PRDM16: variants seen among roughly 807,000 people sequenced by gnomAD.
PRDM16 encodes the protein histone-lysine N-methyltransferase PRDM16.
PRDM16 carries 23 observed loss-of-function variants against 110.6 expected under a neutral mutation model. That is an observed-to-expected ratio of 0.21 (90% CI 0.15 to 0.29). PRDM16 has a LOEUF of 0.29. Ranked by LOEUF, PRDM16 falls within the 10% of genes least tolerant of loss-of-function variation. The pLI is 1.00. For missense variants in PRDM16, 1,615 were observed against 1,794.3 expected (o/e 0.90, Z 1.81); for synonymous variants, 799 against 781.8 (o/e 1.02, Z -0.37).
chr1:3,358,998 A>G lies in PRDM16; in HGVS notation c.439-26154A>G, dbSNP rs748360223. On this transcript the variant is annotated intron_variant, in intron 3 of 16. Coordinates refer to ENST00000270722, the MANE Select transcript of PRDM16 (RefSeq NM_022114.4). This position sits in a 1 kb window ranked among gnomAD's most constrained non-coding sequence, Gnocchi z 4.0. ...TGTCATCTTGGGTCGCATTACAGCC[A>G]GTTGACTCGCGGAGTCCTCACTGGC... Among the ~76,000 whole-genome samples the G allele has an allele frequency of 1.6e-4, 25 of 152,208 alleles. No individual in the cohort carries two copies. Among genetic ancestry groups the G allele is most frequent in the Non-Finnish European group, 1.9e-4 (13 of 68,042 alleles).
chr1:3,365,901 C>CACACACAT lies in PRDM16; in HGVS notation c.439-19250_439-19243dup, dbSNP rs1642800955. Among the ~76,000 whole-genome samples the CACACACAT allele has an allele frequency of 2.0e-5, 3 of 151,572 alleles. No homozygotes were observed. In the South Asian group the frequency reaches 6.3e-4, roughly 32 times the overall value. On this transcript the variant is annotated intron_variant, in intron 3 of 16. Transcript: ENST00000270722. ...GTTTATGTGCGCAGGGATGCACGTG[C>CACACACAT]ACACACATGCACACATACACACACG...
intron 3 of PRDM16, among the ~76,000 whole-genome samples, chr1:3,277,767 GCACA>G (rs796428576): frequency 7.3e-6 from 1 of 136,884 alleles, no homozygotes; most frequent in South Asian, 2.2e-4. Flanking sequence ...GCACACACGC[GCACA>G]CACACGCACA....
chr1:3,399,187 TC>T (rs1643429727), intron 5 of PRDM16, among the ~76,000 whole-genome samples: 1 of 152,252 alleles, frequency 6.6e-6, no homozygotes, highest in Non-Finnish European at 1.5e-5. Context: ...CATATGCTTT[TC>T]TTTTGAGAAA....
intron 3 of PRDM16, among the ~76,000 whole-genome samples, chr1:3,383,831 AGACACACCTGCCTAAG>A (rs1185975924): frequency 2.2e-5 from 3 of 135,718 alleles, no homozygotes; most frequent in Non-Finnish European, 1.7e-5. Context: ...ACCTGCTCAA[AGACACACCTGCCTAAG>A]GACACACCTG....
chr1:3,403,068 G>C (rs4353034), intron 6 of PRDM16, 70 bp downstream of exon 6: 121 of 677,088 alleles, frequency 1.8e-4, no homozygotes, highest in Middle Eastern at 5.7e-4. Context: ...CCCTTCCCGT[G>C]CCCTCCTCTG....
At chr1:3,121,070 G>A (rs1643084563) in intron 1 of PRDM16, among the ~76,000 whole-genome samples, 1 of 152,216 alleles carries the variant, frequency 6.6e-6, no homozygotes, top group Non-Finnish European at 1.5e-5. Flanking sequence ...TGTCGTGTAG[G>A]AAAATGCTTT....
At chr1:3,305,959 T>C (rs1398058654) in intron 3 of PRDM16, among the ~76,000 whole-genome samples, 1 of 152,258 alleles carries the variant, frequency 6.6e-6, no homozygotes, top group Non-Finnish European at 1.5e-5. Context: ...CTCTGCATCC[T>C]CCTCAAGGTC....
At chr1:3,154,056 A>G (rs1643821318) in intron 1 of PRDM16, among the ~76,000 whole-genome samples, 1 of 152,032 alleles carries the variant, frequency 6.6e-6, no homozygotes, top group African/African-American at 2.4e-5. Context: ...CTTCCCGTGC[A>G]CTCTCCCAAT....
In PRDM16 at chr1:3,412,161, C is replaced by T; in HGVS notation, c.1964C>T (p.Pro655Leu). The T allele has an allele frequency of 6.4e-7, 1 of 1,567,228 alleles. No homozygotes were observed. Among genetic ancestry groups the T allele is most frequent in the Non-Finnish European group, 8.6e-7 (1 of 1,156,210 alleles). Residue 655 changes from proline to leucine, a missense_variant, in exon 9 of 17, where the codon CCC becomes CTC. Coordinates refer to ENST00000270722, the MANE Select transcript of PRDM16 (RefSeq NM_022114.4). ...GQPKFGGGLA[P>L]PGAPNSVAEV... ...CCCAAGTTTGGGGGCGGCTTGGCGC[C>T]CCCGGGGGCCCCGAACAGCGTGGCC...
chr1:3,126,480 C>T (rs11800064), intron 1 of PRDM16, among the ~76,000 whole-genome samples: 6 of 152,134 alleles, frequency 3.9e-5, no homozygotes, highest in Non-Finnish European at 5.9e-5. Flanking sequence ...CAGCCCTCAA[C>T]GAGGGACAGT....
chr1:3,294,063 C>T (rs963341255), intron 3 of PRDM16, among the ~76,000 whole-genome samples: 4 of 152,288 alleles, frequency 2.6e-5, no homozygotes, highest in South Asian at 4.1e-4. Context: ...GGGGGCCAGG[C>T]GTTCCTGCCA....
intron 1 of PRDM16, 98 bp from the exon 2 acceptor site, chr1:3,186,027 T>C (rs1460258866): frequency 2.9e-6 from 3 of 1,040,036 alleles, no homozygotes; most frequent in Admixed American, 1.8e-5. Flanking sequence ...CTGAGCACCC[T>C]CGGTGCCCAT....
chr1:3,406,134 G>A (rs184240400), intron 8 of PRDM16, among the ~76,000 whole-genome samples: 101 of 152,292 alleles, frequency 6.6e-4, no homozygotes, highest in African/African-American at 2.3e-3. Context: ...GTTCCAGTGC[G>A]GGGGCCAGCC....
chr1:3,314,959 C>T (rs1353796948), intron 3 of PRDM16, among the ~76,000 whole-genome samples: 2 of 152,100 alleles, frequency 1.3e-5, no homozygotes, highest in Admixed American at 6.5e-5. Context: ...GAGAAATGTG[C>T]GGATTAGCCA....
intron 1 of PRDM16, among the ~76,000 whole-genome samples, chr1:3,101,007 T>A (rs948795981): frequency 6.6e-6 from 1 of 151,592 alleles, no homozygotes; most frequent in Admixed American, 6.6e-5. Flanking sequence ...GGTGTCCGGC[T>A]GAGGACAGGG....
intron 3 of PRDM16, among the ~76,000 whole-genome samples, chr1:3,323,264 G>A (rs999582558): frequency 3.3e-4 from 51 of 152,356 alleles, no homozygotes; most frequent in African/African-American, 1.0e-3. Flanking sequence ...GCAGGACACA[G>A]CGTTGCCATC....
At chr1:3,287,019 G>A (rs180825459) in intron 3 of PRDM16, among the ~76,000 whole-genome samples, 117 of 152,228 alleles carry the variant, frequency 7.7e-4, no homozygotes, top group African/African-American at 2.6e-3. Context: ...CTTCCTGGGT[G>A]CTGGGGCCCT....
At chr1:3,429,670 G>A (rs1638712060) in intron 14 of PRDM16, among the ~76,000 whole-genome samples, 1 of 152,238 alleles carries the variant, frequency 6.6e-6, no homozygotes, top group South Asian at 2.1e-4. Flanking sequence ...ATGGGTGTGT[G>A]TACAGGACGC....
chr1:3,290,939 GGGGGCCTTATTAAC>G lies in PRDM16; in HGVS notation c.438+46803_438+46816del, dbSNP rs1640959463. 1.3e-5 allele frequency among the ~76,000 whole-genome samples: 2 copies of G among 151,948 alleles called. No homozygotes were observed. The highest frequency in any genetic ancestry group is 4.2e-4 in the South Asian group (2 of 4,814). On this transcript the variant is annotated intron_variant, in intron 3 of 16. Coordinates refer to ENST00000270722, the MANE Select transcript of PRDM16 (RefSeq NM_022114.4). The surrounding 1 kb of genome is among the most constrained non-coding windows in gnomAD (Gnocchi z 4.8). Reference sequence around the variant, plus strand: ...CAGAAATCCATACTCATCATTCATCGGGGGCCTTATTAACCTTCTTACGATGTGATAGGAGCGGC... The same window carrying G: ...CAGAAATCCATACTCATCATTCATCGCTTCTTACGATGTGATAGGAGCGGC...
Sources: allele counts gnomAD v4.1 joint callset (sites outside exome capture counted in the v4.1 genomes callset), GRCh38; gene constraint gnomAD v4.1.1; non-coding constraint Gnocchi (gnomAD v3.1); transcripts MANE v1.5; gene names NCBI Gene and HGNC (gene_info 2026-07-23, HGNC 2026-07-21).